Variants in MMP20 observed in about 807,000 individuals in gnomAD.
MMP20 encodes matrix metalloproteinase-20.
MMP20 carries 50 observed loss-of-function variants against 51.8 expected under a neutral mutation model. The ratio of observed to expected loss-of-function variants is 0.97; its 90% CI spans 0.77 to 1.22. MMP20 has a LOEUF of 1.22. MMP20 is among the 50% of genes most tolerant of loss of function. The probability of loss-of-function intolerance (pLI) is 0.00; values close to 1 mark genes in which losing one functional copy is unlikely to be tolerated. For missense variants in MMP20, 663 were observed against 601.4 expected, an observed-to-expected ratio of 1.10 and a Z score of -1.07; for synonymous variants, 244 against 216.2, an observed-to-expected ratio of 1.13 and a Z score of -1.13.
At chr11:102,609,653 G>A (rs1054907844) in intron 4 of MMP20, among the ~76,000 whole-genome samples, 7 of 152,208 alleles carry the variant, frequency 4.6e-5, no homozygotes, top group African/African-American at 1.7e-4. Context: ...GGAAACGAGA[G>A]CAGTGCGTTG....
intron 5 of MMP20, 72 bp downstream of exon 5, chr11:102,608,865 C>T: frequency 6.7e-7 from 1 of 1,487,088 alleles, no homozygotes; most frequent in Non-Finnish European, 9.4e-7. Context: ...AGATAAAATG[C>T]ACTTTCTTTA....
chr11:102,613,217 CTGAAGCCCAGGGTCTGGGGATT>C (rs573820661), intron 2 of MMP20, among the ~76,000 whole-genome samples: 13 of 152,294 alleles, frequency 8.5e-5, no homozygotes, highest in Non-Finnish European at 1.5e-4. Flanking sequence ...ACTTTCTGCT[CTGAAGCCCAGGGTCTGGGGATT>C]TCTGGCAGCA....
At chr11:102,589,713 GA>G (rs1859295352) in intron 8 of MMP20, among the ~76,000 whole-genome samples, 1 of 152,138 alleles carries the variant, frequency 6.6e-6, no homozygotes, top group Non-Finnish European at 1.5e-5. Flanking sequence ...ACCTTCTCTT[GA>G]ATGTCACTAG....
intron 8 of MMP20, among the ~76,000 whole-genome samples, chr11:102,590,207 G>A (rs184821358): frequency 1.6e-3 from 248 of 152,280 alleles, no homozygotes; most frequent in Non-Finnish European, 2.5e-3. Context: ...TCAGCCATAG[G>A]TAGTGGAAAT....
chr11:102,610,467 C>T (rs1304033668), intron 3 of MMP20, among the ~76,000 whole-genome samples: 3 of 152,090 alleles, frequency 2.0e-5, no homozygotes, highest in East Asian at 3.9e-4. Flanking sequence ...TCAGCTGAGA[C>T]AGTGATAGTG....
At chr11:102,622,693 C>T (rs1379496983) in intron 1 of MMP20, among the ~76,000 whole-genome samples, 1 of 152,154 alleles carries the variant, frequency 6.6e-6, no homozygotes, top group African/African-American at 2.4e-5. Context: ...TTTATCTTCT[C>T]CCAGCACCTT....
Position 102,609,910 on chromosome 11 carries a change from G to T in MMP20, c.644C>A (p.Thr215Lys), listed in dbSNP as rs377682409. 9 of 1,613,958 alleles carry T rather than the reference G, an allele frequency of 5.6e-6. No homozygotes were observed. The South Asian group carries it at 8.8e-5, about 16-fold the overall frequency. ...FDNAEKWTMG[T>K]NGFNLFTVAA... ...GGTGAATTGTGCATATATACCATTC[G>T]TTCCCATAGTCCACTTCTCAGCATT... The change falls in exon 4 of 10, where the codon ACG becomes AAG. Residue 215 changes from threonine (T) to lysine (K), a missense_variant. Transcript: ENST00000260228.
At chr11:102,616,622 C>A (rs1276797359) in intron 2 of MMP20, among the ~76,000 whole-genome samples, 190 bp downstream of exon 2, 1 of 152,132 alleles carries the variant, frequency 6.6e-6, no homozygotes, top group Non-Finnish European at 1.5e-5. Context: ...TTATGATAAT[C>A]CTAAAACCGT....
At chr11:102,604,713 T>C (rs1421099396) in intron 6 of MMP20, among the ~76,000 whole-genome samples, 2 of 152,196 alleles carry the variant, frequency 1.3e-5, no homozygotes, top group Non-Finnish European at 2.9e-5. Flanking sequence ...TTAGAAATAA[T>C]CCAGTATGGG....
At chr11:102,617,999 T>G (rs1859696182) in intron 1 of MMP20, among the ~76,000 whole-genome samples, 1 of 152,158 alleles carries the variant, frequency 6.6e-6, no homozygotes, top group Non-Finnish European at 1.5e-5. Flanking sequence ...GATGCTCAAG[T>G]CTCTGATATA....
chr11:102,597,309 G>C (rs1452483913), intron 6 of MMP20, among the ~76,000 whole-genome samples: 1 of 152,236 alleles, frequency 6.6e-6, no homozygotes. Flanking sequence ...TATCTTGAAT[G>C]ACTCAACATG....
chr11:102,612,386 AC>A (rs1349062856), intron 2 of MMP20, among the ~76,000 whole-genome samples: 2 of 152,190 alleles, frequency 1.3e-5, no homozygotes, highest in African/African-American at 4.8e-5. Flanking sequence ...AATCATTTGA[AC>A]CTGGGAAGTG....
At chr11:102,624,938 C>T (rs1859800588) in intron 1 of MMP20, among the ~76,000 whole-genome samples, 1 of 152,106 alleles carries the variant, frequency 6.6e-6, no homozygotes, top group South Asian at 2.1e-4. Context: ...TTTCACAAGC[C>T]ACCTGGAATT....
At chr11:102,598,550 C>T (rs1711433) in intron 6 of MMP20, among the ~76,000 whole-genome samples, 131,680 of 152,206 alleles carry the variant, frequency 0.87, 57,137 homozygotes, top group East Asian at 0.99. Context: ...TGGAACTTAC[C>T]TGATCAACAA....
intron 8 of MMP20, among the ~76,000 whole-genome samples, chr11:102,581,706 C>T (rs1859197799): frequency 6.6e-6 from 1 of 152,032 alleles, no homozygotes. Context: ...TCATGTAACC[C>T]CTCAGAGACA....
intron 1 of MMP20, among the ~76,000 whole-genome samples, chr11:102,622,011 T>TAACA (rs1271441166): frequency 6.6e-6 from 1 of 150,794 alleles, no homozygotes; most frequent in African/African-American, 2.4e-5. Context: ...TAATTTTGTT[T>TAACA]AACAAACAAA....
chr11:102,592,000 C>A (rs1859322859), intron 8 of MMP20, among the ~76,000 whole-genome samples: 5 of 152,244 alleles, frequency 3.3e-5, no homozygotes, highest in South Asian at 2.1e-4. Context: ...ACTGTGAATA[C>A]CCTTTAAAAC....
chr11:102,597,842 A>G (rs1859400770), intron 6 of MMP20, among the ~76,000 whole-genome samples: 1 of 152,074 alleles, frequency 6.6e-6, no homozygotes, highest in South Asian at 2.1e-4. Context: ...ATCTAAGTTC[A>G]TGGCAACTTC....
intron 9 of MMP20, 133 bp downstream of exon 9, chr11:102,578,906 T>A: frequency 4.3e-6 from 3 of 697,712 alleles, no homozygotes; most frequent in Non-Finnish European, 7.8e-6. Flanking sequence ...TTAGATAAAC[T>A]TATGAAAGGA....
Sources: gnomAD v4.1 joint callset for allele counts (sites outside exome capture counted in the v4.1 genomes callset) on GRCh38, gnomAD v4.1.1 for gene constraint, MANE v1.5 for transcripts, NCBI Gene and HGNC (gene_info 2026-07-23, HGNC 2026-07-21) for gene names.